The following NAALADL2 variants were observed in gnomAD, a reference collection of about 807,000 sequenced individuals.
NAALADL2 encodes the protein inactive N-acetylated-alpha-linked acidic dipeptidase-like protein 2.
Under a neutral mutation model 87.2 loss-of-function variants are expected in NAALADL2, and 76 were observed. The observed-to-expected ratio is 0.87, with a 90% CI of 0.72 to 1.05. NAALADL2 has a LOEUF of 1.05. Among genes scored for constraint, NAALADL2 ranks in the 50% least tolerant of loss-of-function variants. The pLI, the probability that NAALADL2 is intolerant of heterozygous loss-of-function variation, is 0.00. For synonymous variants in NAALADL2, 354 were observed against 331.0 expected, an observed-to-expected ratio of 1.07 and a Z score of -0.75; for missense variants, 1,089 against 945.8, an observed-to-expected ratio of 1.15 and a Z score of -1.99.
chr3:175,497,494 T>G (rs1317353142), intron 9 of NAALADL2, among the ~76,000 whole-genome samples: 2 of 152,176 alleles, frequency 1.3e-5, no homozygotes, highest in Non-Finnish European at 2.9e-5. Context: ...CATATAAAAT[T>G]TCAATTTATA....
intron 1 of NAALADL2, among the ~76,000 whole-genome samples, chr3:174,531,413 C>T (rs1721226371): frequency 6.6e-6 from 1 of 152,096 alleles, no homozygotes; most frequent in South Asian, 2.1e-4. Context: ...TGTGCATCAT[C>T]ATTATCATCA....
chr3:175,295,134 A>G (rs79002102), intron 4 of NAALADL2, among the ~76,000 whole-genome samples: 1,617 of 152,322 alleles, frequency 0.011, 29 homozygotes, highest in African/African-American at 0.036. Context: ...ACCTGAGTAT[A>G]TATTTCCAGA....
chr3:175,155,046 T>A (rs1372547106), intron 2 of NAALADL2, among the ~76,000 whole-genome samples: 1 of 152,180 alleles, frequency 6.6e-6, no homozygotes, highest in East Asian at 1.9e-4. Context: ...ATATTACAAA[T>A]TGACTACATT....
chr3:175,418,089 G>C lies in NAALADL2; in HGVS notation c.1091-29140G>C, dbSNP rs74463329. On this transcript the variant is annotated intron_variant, in intron 5 of 13. Transcript: ENST00000454872. ...GGGAAGAGTTTGGGAAATCAAAAAAGGAGAGCTGAAGTATAGGAGAATGAG... is the reference window on the plus strand; with the variant it reads ...GGGAAGAGTTTGGGAAATCAAAAAACGAGAGCTGAAGTATAGGAGAATGAG... Among the ~76,000 whole-genome samples, 336 of 152,160 alleles carry C rather than the reference G, an allele frequency of 2.2e-3. 1 individual carries two copies. Among genetic ancestry groups the C allele is most frequent in the Non-Finnish European group, 3.8e-3 (256 of 67,966 alleles).
intron 1 of NAALADL2, among the ~76,000 whole-genome samples, chr3:174,937,288 T>A (rs1361694561): frequency 1.3e-5 from 2 of 152,054 alleles, no homozygotes; most frequent in Non-Finnish European, 2.9e-5. Flanking sequence ...TCCTCTTGGA[T>A]AATTACAATT....
intron 3 of NAALADL2, among the ~76,000 whole-genome samples, chr3:174,782,285 A>G (rs1392024492): frequency 1.3e-5 from 2 of 152,162 alleles, no homozygotes; most frequent in Non-Finnish European, 2.9e-5. Flanking sequence ...GACGATAGAG[A>G]AGGAACTAGT....
At chr3:175,594,108 A>G (rs111959856) in intron 10 of NAALADL2, among the ~76,000 whole-genome samples, 7,118 of 152,066 alleles carry the variant, frequency 0.047, 544 homozygotes, top group African/African-American at 0.16. Context: ...AGTGAGCATA[A>G]TACCCAATAG....
intron 2 of NAALADL2, among the ~76,000 whole-genome samples, chr3:175,168,982 G>A (rs1734392705): frequency 6.6e-6 from 1 of 151,644 alleles, no homozygotes; most frequent in Non-Finnish European, 1.5e-5. Flanking sequence ...CAGGATAGCT[G>A]TACAGATTTT....
intron 1 of NAALADL2, among the ~76,000 whole-genome samples, chr3:174,982,384 G>A (rs529504604): frequency 6.6e-6 from 1 of 151,974 alleles, no homozygotes; most frequent in African/African-American, 2.4e-5. Context: ...AAGAAACTCA[G>A]TACTCAATAT....
intron 3 of NAALADL2, among the ~76,000 whole-genome samples, chr3:174,768,050 G>C (rs187387831): frequency 6.6e-6 from 1 of 152,120 alleles, no homozygotes; most frequent in Non-Finnish European, 1.5e-5. Context: ...TTAAATAAAC[G>C]TACTAGGAGA....
At chr3:174,947,935 C>T (rs1739711328) in intron 1 of NAALADL2, among the ~76,000 whole-genome samples, 1 of 152,008 alleles carries the variant, frequency 6.6e-6, no homozygotes, top group Non-Finnish European at 1.5e-5. Flanking sequence ...TTTAATTTTG[C>T]TGTATACCTA....
intron 3 of NAALADL2, among the ~76,000 whole-genome samples, chr3:174,836,472 C>T (rs973908882): frequency 7.9e-5 from 12 of 151,984 alleles, no homozygotes; most frequent in South Asian, 2.1e-4. Flanking sequence ...GAGGCCGAGG[C>T]GGGTGGATCA....
At chr3:175,423,959 TA>T (rs1414311178) in intron 5 of NAALADL2, among the ~76,000 whole-genome samples, 3 of 152,232 alleles carry the variant, frequency 2.0e-5, no homozygotes, top group Non-Finnish European at 2.9e-5. Flanking sequence ...ATAGCCTTTC[TA>T]ACTGGTGTGA....
intron 13 of NAALADL2, among the ~76,000 whole-genome samples, chr3:175,797,346 G>A (rs1281419110): frequency 6.6e-6 from 1 of 152,110 alleles, no homozygotes; most frequent in Non-Finnish European, 1.5e-5. Flanking sequence ...TAGGTCTGAT[G>A]TCTCTACATG....
At chr3:175,767,391 A>G (rs1314586640) in intron 13 of NAALADL2, among the ~76,000 whole-genome samples, 3 of 152,110 alleles carry the variant, frequency 2.0e-5, no homozygotes, top group Admixed American at 1.3e-4. Context: ...ACAAACCCTC[A>G]AATTACATAT....
At chr3:175,444,939 G>A (rs1037977813) in intron 5 of NAALADL2, among the ~76,000 whole-genome samples, 2 of 152,112 alleles carry the variant, frequency 1.3e-5, no homozygotes, top group African/African-American at 4.8e-5. Context: ...ATAAATTAAG[G>A]AAACACTCGT....
intron 10 of NAALADL2, among the ~76,000 whole-genome samples, chr3:175,602,015 T>A (rs1723036765): frequency 6.6e-6 from 1 of 152,184 alleles, no homozygotes; most frequent in South Asian, 2.1e-4. Context: ...GGGCTTTAGA[T>A]AGGTATTAAT....
intron 11 of NAALADL2, among the ~76,000 whole-genome samples, chr3:175,720,683 G>A (rs1412678357): frequency 6.6e-6 from 1 of 151,970 alleles, no homozygotes; most frequent in African/African-American, 2.4e-5. Context: ...GCTCGTAGGG[G>A]TAAAAGAAAG....
chr3:174,805,950 G>C (rs1312777580), intron 3 of NAALADL2, among the ~76,000 whole-genome samples: 1 of 152,102 alleles, frequency 6.6e-6, no homozygotes, highest in Non-Finnish European at 1.5e-5. Flanking sequence ...AAGAGATTAA[G>C]CTAACTTTGT....
Sources: gnomAD v4.1 joint callset for allele counts (sites outside exome capture counted in the v4.1 genomes callset) on GRCh38, gnomAD v4.1.1 for gene constraint, MANE v1.5 for transcripts, NCBI Gene and HGNC (gene_info 2026-07-23, HGNC 2026-07-21) for gene names.